Variants in FOXP1 observed in about 807,000 individuals in gnomAD.
FOXP1 encodes the protein forkhead box protein P1.
FOXP1 carries 15 observed loss-of-function variants against 98.2 expected under a neutral mutation model. The observed-to-expected ratio is 0.15, with a 90% CI of 0.10 to 0.24. The LOEUF (loss-of-function observed/expected upper bound fraction) is 0.24. Among genes scored for constraint, FOXP1 ranks in the 10% least tolerant of loss-of-function variants. FOXP1 has a pLI of 1.00. For missense variants in FOXP1, 633 were observed against 848.5 expected, an observed-to-expected ratio of 0.75 and a Z score of 3.15; for synonymous variants, 371 against 314.5, an observed-to-expected ratio of 1.18 and a Z score of -1.90.
chr3:71,504,757 C>T lies in FOXP1; in HGVS notation c.-297-11202G>A, dbSNP rs73837394. Among the ~76,000 whole-genome samples the T allele has an allele frequency of 8.0e-3, 1,213 of 152,272 alleles. 12 individuals are homozygous for T. The highest frequency in any genetic ancestry group is 0.027 in the African/African-American group (1,108 of 41,558). ...TCACGGAGCCCAAGTGGTGACATTT[C>T]TGTTGCAAATATGAGAAAGGAAAGG... On this transcript the variant is annotated intron_variant, in intron 2 of 20. Transcript: ENST00000649528.
At chr3:71,308,643 G>T (rs187159669) in intron 4 of FOXP1, among the ~76,000 whole-genome samples, 1 of 151,840 alleles carries the variant, frequency 6.6e-6, no homozygotes, top group African/African-American at 2.4e-5. Flanking sequence ...ATAAACTGTC[G>T]CCCAAGGATC....
chr3:71,563,592 T>C (rs2046698915), intron 2 of FOXP1, among the ~76,000 whole-genome samples: 1 of 152,234 alleles, frequency 6.6e-6, no homozygotes, highest in African/African-American at 2.4e-5. Flanking sequence ...ATTGTAGCCA[T>C]GAAAATGTGG....
At chr3:71,282,871 TCCCGCC>T (rs2071713402) in intron 5 of FOXP1, among the ~76,000 whole-genome samples, 1 of 152,208 alleles carries the variant, frequency 6.6e-6, no homozygotes, top group African/African-American at 2.4e-5. Context: ...CCAAGTCCAT[TCCCGCC>T]TGGAGACATG....
In FOXP1 at chr3:70,955,472, G is replaced by C. The variant is rs971402247; in HGVS notation, c.*3775C>G. 1.2e-4 allele frequency: 28 copies of C among 232,566 alleles called. No individual in the cohort carries two copies. Among genetic ancestry groups the C allele is most frequent in the Non-Finnish European group, 2.3e-4 (27 of 117,814 alleles). The allele number at this position is 232,566 out of a possible 1,614,324, so 14.4% of individuals were successfully genotyped here. On this transcript the variant is annotated 3_prime_UTR_variant, in exon 21 of 21. Transcript: ENST00000649528. ...GTAGGTTGGATCCTCATTCCTGACA[G>C]TGCATTTGTCTGACACACGGGACTA... is the stretch of plus-strand genomic sequence containing the variant.
intron 7 of FOXP1, among the ~76,000 whole-genome samples, chr3:71,061,865 G>A (rs2051541699): frequency 6.6e-6 from 1 of 152,180 alleles, no homozygotes; most frequent in South Asian, 2.1e-4. Flanking sequence ...AGTACAGACT[G>A]AGAAGCTAGT....
intron 3 of FOXP1, among the ~76,000 whole-genome samples, chr3:71,473,788 C>T (rs369602844): frequency 3.3e-5 from 5 of 152,204 alleles, no homozygotes; most frequent in African/African-American, 4.8e-5. Flanking sequence ...GTTGTCACAA[C>T]GACCTGGGAG....
chr3:71,492,321 G>T (rs568212860), intron 3 of FOXP1, among the ~76,000 whole-genome samples: 120 of 151,890 alleles, frequency 7.9e-4, no homozygotes, highest in African/African-American at 2.2e-3. Flanking sequence ...GCATGGTGGC[G>T]GGCGCCTGTA....
chr3:71,239,533 G>A (rs2067075326), intron 5 of FOXP1, among the ~76,000 whole-genome samples: 1 of 152,014 alleles, frequency 6.6e-6, no homozygotes, highest in Non-Finnish European at 1.5e-5. Flanking sequence ...AACAGAGCAA[G>A]ACTCCTTCTC....
At chr3:71,135,411 C>T (rs78121537) in intron 6 of FOXP1, among the ~76,000 whole-genome samples, 3,665 of 151,972 alleles carry the variant, frequency 0.024, 154 homozygotes, top group African/African-American at 0.085. Context: ...GAGAGGAACA[C>T]AGAGGAAAAA....
intron 18 of FOXP1, chr3:70,972,264 A>C: frequency 8.1e-7 from 1 of 1,228,572 alleles, no homozygotes; most frequent in Non-Finnish European, 1.1e-6. Context: ...CAATACAGGG[A>C]ACAGGAAAAA....
At chr3:71,207,247 C>T (rs11442783) in intron 5 of FOXP1, among the ~76,000 whole-genome samples, 56,062 of 148,898 alleles carry the variant, frequency 0.38, 10,783 homozygotes, top group East Asian at 0.66. Flanking sequence ...TCAGAAAAGT[C>T]TTTTTTTTTT....
intron 5 of FOXP1, among the ~76,000 whole-genome samples, chr3:71,238,434 G>T (rs1036997571): frequency 1.3e-4 from 20 of 151,870 alleles, no homozygotes; most frequent in African/African-American, 4.9e-4. Context: ...AAAGGGGTGT[G>T]GGGGGGTGTG....
At chr3:71,581,420 C>A (rs1249066647) in intron 2 of FOXP1, 129 bp downstream of exon 2, 3 of 985,302 alleles carry the variant, frequency 3.0e-6, no homozygotes, top group African/African-American at 3.5e-5. Flanking sequence ...TGGGCACATT[C>A]CTCGCTCCCG....
At chr3:71,240,743 C>CA (rs2067200718) in intron 5 of FOXP1, among the ~76,000 whole-genome samples, 1 of 150,564 alleles carries the variant, frequency 6.6e-6, no homozygotes, top group Non-Finnish European at 1.5e-5. Context: ...GACAGGGTTT[C>CA]ACCATGTTAG....
intron 3 of FOXP1, among the ~76,000 whole-genome samples, chr3:71,461,804 A>G (rs958031517): frequency 2.7e-5 from 4 of 145,998 alleles, no homozygotes; most frequent in South Asian, 2.2e-4. Flanking sequence ...TGTATCGAAG[A>G]AAAAAAAAAA....
At chr3:70,998,746 C>T (rs896010247) in intron 13 of FOXP1, among the ~76,000 whole-genome samples, 2 of 152,170 alleles carry the variant, frequency 1.3e-5, no homozygotes, top group African/African-American at 4.8e-5. Context: ...TATGTTTGTA[C>T]TACTTCTAGG....
chr3:71,569,931 A>C (rs958184599), intron 2 of FOXP1, among the ~76,000 whole-genome samples: 6 of 152,020 alleles, frequency 3.9e-5, no homozygotes, highest in African/African-American at 7.2e-5. Context: ...TACAGGCGCC[A>C]GCCACCACGC....
chr3:71,529,269 T>C (rs2043637764), intron 2 of FOXP1, among the ~76,000 whole-genome samples: 1 of 152,238 alleles, frequency 6.6e-6, no homozygotes, highest in Non-Finnish European at 1.5e-5. Flanking sequence ...TCTCTTCATG[T>C]TGATAGTTCA....
chr3:71,187,120 C>T (rs1255285537), intron 6 of FOXP1, among the ~76,000 whole-genome samples: 1 of 152,188 alleles, frequency 6.6e-6, no homozygotes, highest in Non-Finnish European at 1.5e-5. Flanking sequence ...TATACCTAGC[C>T]CCTACTCAAA....
Sources: gnomAD v4.1 joint callset for allele counts (sites outside exome capture counted in the v4.1 genomes callset) on GRCh38, gnomAD v4.1.1 for gene constraint, MANE v1.5 for transcripts, NCBI Gene and HGNC (gene_info 2026-07-23, HGNC 2026-07-21) for gene names.